Variants in GNG4 observed in about 807,000 individuals in gnomAD.
GNG4 encodes the protein G protein subunit gamma 4.
Under a neutral mutation model 5.8 loss-of-function variants are expected in GNG4, and 4 were observed. That is an observed-to-expected ratio of 0.69 (90% confidence interval 0.34 to 1.57). The LOEUF (loss-of-function observed/expected upper bound fraction) is 1.57, where lower values mean the gene tolerates loss of function less well. GNG4 is among the 40% of genes most tolerant of loss of function. GNG4 has a pLI of 0.06. For missense variants in GNG4, 96 were observed against 95.1 expected (o/e 1.01, Z -0.04); for synonymous variants, 29 against 32.9 (o/e 0.88, Z 0.41).
chr1:235,563,618 C>T (rs889626732), intron 3 of GNG4, among the ~76,000 whole-genome samples: 49 of 152,166 alleles, frequency 3.2e-4, no homozygotes, highest in Admixed American at 7.9e-4. Flanking sequence ...TATGAGTCCT[C>T]GTGTGGGGAA....
intron 1 of GNG4, among the ~76,000 whole-genome samples, chr1:235,622,355 A>T (rs1688727485): frequency 1.3e-5 from 2 of 152,148 alleles, no homozygotes; most frequent in South Asian, 2.1e-4. Context: ...TTGCTATGTT[A>T]CTTTGGTTCT....
At chr1:235,628,993 ATTTTTTTT>A (rs1054950474) in intron 1 of GNG4, among the ~76,000 whole-genome samples, 1 of 118,364 alleles carries the variant, frequency 8.4e-6, no homozygotes, top group Admixed American at 8.6e-5. Context: ...ATTTGCTTGA[ATTTTTTTT>A]TTTTTTTTTT....
intron 3 of GNG4, among the ~76,000 whole-genome samples, chr1:235,561,674 C>T (rs1435282438): frequency 2.0e-5 from 3 of 152,070 alleles, no homozygotes; most frequent in Non-Finnish European, 2.9e-5. Flanking sequence ...GGATTACAGG[C>T]GAGAGCCACC....
intron 1 of GNG4, among the ~76,000 whole-genome samples, chr1:235,623,774 T>C (rs1688755936): frequency 6.6e-6 from 1 of 152,124 alleles, no homozygotes; most frequent in Non-Finnish European, 1.5e-5. Flanking sequence ...GCAGCCCCCC[T>C]CATCATGCTG....
intron 1 of GNG4, among the ~76,000 whole-genome samples, chr1:235,622,968 A>C (rs1194457210): frequency 1.3e-5 from 2 of 151,530 alleles, no homozygotes; most frequent in African/African-American, 4.9e-5. Context: ...TGAACCCGGG[A>C]AGCAGAGGTT....
In GNG4 at chr1:235,551,169, C is replaced by T. The variant is rs577325077; in HGVS notation, c.*940G>A. On this transcript the variant is annotated 3_prime_UTR_variant, in exon 4 of 4. Transcript: ENST00000391854. ...GACTTCGGTGTCCGCCCACCATCTA[C>T]CTTTGTAGGACCACTGAAACAAGGG... The T allele has an allele frequency of 2.6e-5, 4 of 152,382 alleles. No homozygotes were observed. The highest frequency in any genetic ancestry group is 9.6e-5 in the African/African-American group (4 of 41,570). 9.4% of individuals were successfully genotyped at this position (152,382 alleles called of 1,614,324 possible). A position where few individuals can be genotyped will look rare whatever the true frequency, so the allele number is the denominator to read the frequency against.
Position 235,644,670 on chromosome 1 carries a change from C to T in GNG4, c.-123+4992G>A, listed in dbSNP as rs1657452930. 6.6e-6 allele frequency among the ~76,000 whole-genome samples: 1 copy of T among 152,182 alleles called. No homozygotes were observed. Among genetic ancestry groups the T allele is most frequent in the South Asian group, 2.1e-4 (1 of 4,830 alleles). ...GGGCACAGAGAAAACAGAATTTTCC[C>T]AAGATTGCTGAAGGAAAACTAAAAC... On this transcript the variant is annotated intron_variant, in intron 1 of 3. Coordinates refer to ENST00000391854, the MANE Select transcript of GNG4 (RefSeq NM_001098722.2). The surrounding 1 kb of genome is among the most constrained non-coding windows in gnomAD (Gnocchi z 5.9).
intron 3 of GNG4, among the ~76,000 whole-genome samples, chr1:235,578,957 C>T (rs772504138): frequency 2.5e-4 from 38 of 152,026 alleles, no homozygotes; most frequent in Admixed American, 1.8e-3. Flanking sequence ...ATTAGCTGGA[C>T]GCGGTGGTGC....
chr1:235,580,746 G>T (rs2841872), intron 3 of GNG4, among the ~76,000 whole-genome samples: 90,226 of 125,046 alleles, frequency 0.72, 32,410 homozygotes, highest in East Asian at 0.86. Flanking sequence ...CCCGTTTTTT[G>T]TTTTTTTTTT....
At chr1:235,646,102 C>T (rs1292696457) in intron 1 of GNG4, among the ~76,000 whole-genome samples, 1 of 152,168 alleles carries the variant, frequency 6.6e-6, no homozygotes, top group Non-Finnish European at 1.5e-5. Flanking sequence ...TAGAGTGCTT[C>T]TTCTATCTCT....
rs1195667917 is a variant in GNG4 at position 235,642,405 on chromosome 1, T to C, written c.-123+7257A>G. On this transcript the variant is annotated intron_variant, in intron 1 of 3. Coordinates refer to ENST00000391854, the MANE Select transcript of GNG4 (RefSeq NM_001098722.2). This position sits in a 1 kb window ranked among gnomAD's most constrained non-coding sequence, Gnocchi z 4.3. ...TAGAGACCCACGCACGGAAGGATGA[T>C]ACACTGTGATTCCCCGACGTGGGCC... 6.6e-6 allele frequency among the ~76,000 whole-genome samples: 1 copy of C among 152,170 alleles called. No homozygotes were observed. Among genetic ancestry groups the C allele is most frequent in the Non-Finnish European group, 1.5e-5 (1 of 68,028 alleles).
At chr1:235,575,536 C>A (rs139519877) in intron 3 of GNG4, among the ~76,000 whole-genome samples, 141 of 152,326 alleles carry the variant, frequency 9.3e-4, no homozygotes, top group African/African-American at 3.2e-3. Context: ...AAAGCCTGTG[C>A]TCACAAAATT....
At chr1:235,649,813 T>A (rs1341236836), upstream of GNG4, 1 of 148,944 alleles carries the variant, frequency 6.7e-6, no homozygotes, top group Non-Finnish European at 1.5e-5. This position sits in a 1 kb window ranked among gnomAD's most constrained non-coding sequence, Gnocchi z 5.7. Flanking sequence ...GGTCTCCGCG[T>A]CCCGTCACCG....
intron 1 of GNG4, among the ~76,000 whole-genome samples, chr1:235,631,150 C>T (rs1392658145): frequency 3.3e-5 from 5 of 152,106 alleles, no homozygotes; most frequent in African/African-American, 9.7e-5. Flanking sequence ...CCGCCCTCCT[C>T]GGCCTCCCAA....
chr1:235,562,606 C>T (rs1043206289), intron 3 of GNG4, among the ~76,000 whole-genome samples: 2 of 142,392 alleles, frequency 1.4e-5, no homozygotes, highest in African/African-American at 5.3e-5. Context: ...GATGGCACCA[C>T]TGCACTCCAG....
At chr1:235,650,125 G>A (rs1302460601), upstream of GNG4, 1 of 149,328 alleles carries the variant, frequency 6.7e-6, no homozygotes, top group African/African-American at 2.4e-5. Context: ...GCCCGGGCCC[G>A]CGCCCCCCGC....
chr1:235,583,646 G>T, intron 3 of GNG4, 94 bp downstream of exon 3: 1 of 755,662 alleles, frequency 1.3e-6, no homozygotes, highest in Non-Finnish European at 2.3e-6. Flanking sequence ...TCTGCTGGGT[G>T]ACGTGTTAAC....
intron 1 of GNG4, among the ~76,000 whole-genome samples, chr1:235,641,190 A>G (rs1657315512): frequency 6.6e-6 from 1 of 152,154 alleles, no homozygotes; most frequent in Non-Finnish European, 1.5e-5. Flanking sequence ...GTTCCAGACC[A>G]GCCTGGGCAA....
intron 1 of GNG4, among the ~76,000 whole-genome samples, chr1:235,599,554 G>A (rs1331527504): frequency 1.3e-5 from 2 of 152,098 alleles, no homozygotes; most frequent in Non-Finnish European, 2.9e-5. Flanking sequence ...GACCTCAAGT[G>A]ATCCGCCCAC....
Sources: gnomAD v4.1 joint callset for allele counts (sites outside exome capture counted in the v4.1 genomes callset) on GRCh38, gnomAD v4.1.1 for gene constraint, Gnocchi (gnomAD v3.1) non-coding constraint, MANE v1.5 for transcripts, NCBI Gene and HGNC (gene_info 2026-07-23, HGNC 2026-07-21) for gene names.